The following MTMR7 variants were observed in gnomAD, a reference collection of about 807,000 sequenced individuals.
MTMR7 encodes myotubularin related protein 7.
In MTMR7, 76 loss-of-function variants were observed where a neutral mutation model predicts 81.2. That is an observed-to-expected ratio of 0.94 (90% confidence interval 0.78 to 1.13). MTMR7 has a LOEUF of 1.13. Among genes scored for constraint, MTMR7 ranks in the 50% most tolerant of loss-of-function variants. MTMR7 has a pLI of 0.00. For missense variants in MTMR7, 1,044 were observed against 820.0 expected (o/e 1.27, Z -3.34); for synonymous variants, 372 against 289.8 (o/e 1.28, Z -2.88).
chr8:17,369,144 C>A (rs990536160), intron 3 of MTMR7, among the ~76,000 whole-genome samples: 5 of 152,224 alleles, frequency 3.3e-5, no homozygotes, highest in African/African-American at 9.6e-5. Context: ...ATCAGTGACA[C>A]AGAAACTGTT....
chr8:17,342,036 C>T (rs185072751), intron 5 of MTMR7, among the ~76,000 whole-genome samples: 10 of 152,002 alleles, frequency 6.6e-5, no homozygotes, highest in African/African-American at 9.7e-5. Context: ...GGTTTGAAAC[C>T]GAAGGACAGC....
chr8:17,333,660 C>T (rs535973647), intron 6 of MTMR7, among the ~76,000 whole-genome samples: 7 of 152,060 alleles, frequency 4.6e-5, no homozygotes, highest in East Asian at 1.9e-4. Context: ...GATCAGCCTG[C>T]GCAACATGGC....
chr8:17,342,915 G>A (rs1297566154), intron 5 of MTMR7, among the ~76,000 whole-genome samples: 4 of 151,998 alleles, frequency 2.6e-5, no homozygotes, highest in Admixed American at 6.5e-5. Flanking sequence ...GCAAGGCCAG[G>A]AGCAAGGGGA....
intron 7 of MTMR7, among the ~76,000 whole-genome samples, chr8:17,314,765 G>T (rs1009328987): frequency 3.3e-5 from 5 of 152,160 alleles, no homozygotes; most frequent in Non-Finnish European, 7.4e-5. Context: ...CCTTCCAAAT[G>T]CCTGCCCTGA....
chr8:17,346,175 G>A (rs1819545098), intron 5 of MTMR7: 2 of 152,094 alleles, frequency 1.3e-5, no homozygotes, highest in South Asian at 4.1e-4. Flanking sequence ...CAAATCAGAA[G>A]CATTTATATA....
chr8:17,335,959 C>A (rs1277985189), intron 6 of MTMR7, among the ~76,000 whole-genome samples: 1 of 152,130 alleles, frequency 6.6e-6, no homozygotes, highest in Non-Finnish European at 1.5e-5. Context: ...TTATTGTAGG[C>A]CCTATCTGTG....
chr8:17,371,988 A>C (rs1017269379), intron 2 of MTMR7, among the ~76,000 whole-genome samples: 1 of 151,258 alleles, frequency 6.6e-6, no homozygotes, highest in African/African-American at 2.4e-5. Context: ...TGTCTTTTGG[A>C]AACTTTGTGC....
intron 4 of MTMR7, among the ~76,000 whole-genome samples, chr8:17,356,557 T>C (rs1819895596): frequency 6.6e-6 from 1 of 151,768 alleles, no homozygotes; most frequent in Non-Finnish European, 1.5e-5. Flanking sequence ...ATAATAATAA[T>C]ACAAACATTA....
chr8:17,340,014 C>T lies in MTMR7; in HGVS notation c.732+1349G>A, dbSNP rs185188752. ...TTGCCCAGGCTGGAGTGCAATGGCA[C>T]GATCTCGGCTCACCGCAACCTCCGC... On this transcript the variant is annotated intron_variant, in intron 6 of 13. Transcript: ENST00000180173. 6.3e-3 allele frequency among the ~76,000 whole-genome samples: 965 copies of T among 152,342 alleles called. 12 individuals carry two copies. Among genetic ancestry groups the T allele is most frequent in the African/African-American group, 0.02 (847 of 41,588 alleles).
At chr8:17,311,906 T>A (rs904330336) in intron 8 of MTMR7, 6 of 375,996 alleles carry the variant, frequency 1.6e-5, no homozygotes, top group African/African-American at 1.2e-4. Flanking sequence ...TAAGCATTCG[T>A]CCTATGCAAA....
At chr8:17,397,069 G>T (rs1365742253) in intron 1 of MTMR7, among the ~76,000 whole-genome samples, 3 of 152,008 alleles carry the variant, frequency 2.0e-5, no homozygotes, top group African/African-American at 7.3e-5. Flanking sequence ...AATGAGCAGT[G>T]ATACCCAGGT....
At chr8:17,310,479 GA>G (rs1022850915) in intron 9 of MTMR7, among the ~76,000 whole-genome samples, 4 of 152,152 alleles carry the variant, frequency 2.6e-5, no homozygotes, top group Non-Finnish European at 5.9e-5. Flanking sequence ...AGAACAAGTT[GA>G]TGATGGAAAC....
chr8:17,353,227 T>C (rs1819779964), intron 4 of MTMR7, among the ~76,000 whole-genome samples: 1 of 152,198 alleles, frequency 6.6e-6, no homozygotes, highest in Non-Finnish European at 1.5e-5. Context: ...ATATGAGGTA[T>C]CTAAAGTAGT....
chr8:17,348,929 AC>A (rs1240268407), intron 5 of MTMR7, 23 bp downstream of exon 5: 2 of 1,613,586 alleles, frequency 1.2e-6, no homozygotes, highest in Non-Finnish European at 1.7e-6. Flanking sequence ...AAAGTGTAAA[AC>A]AAAAACACGC....
chr8:17,349,117 T>C, intron 4 of MTMR7, 36 bp from the exon 5 acceptor site: 1 of 1,605,570 alleles, frequency 6.2e-7, no homozygotes, highest in Non-Finnish European at 8.5e-7. Flanking sequence ...TTTTAGGCCA[T>C]CTAGTAATGC....
rs1816947820 is a variant in MTMR7, at chr8:17,299,382, T to G, written c.*480A>C. The G allele has an allele frequency of 6.5e-6, 1 of 154,052 alleles. No individual in the cohort carries two copies. Among genetic ancestry groups the G allele is most frequent in the Non-Finnish European group, 1.4e-5 (1 of 69,294 alleles). 9.5% of individuals were successfully genotyped at this position (154,052 alleles called of 1,614,324 possible). On this transcript the variant is annotated 3_prime_UTR_variant, in exon 14 of 14. Transcript: ENST00000180173. ...ATCTATTAACTAAAAAGGGTGCATC[T>G]CACCAATGTGCCTGTTTTTAGAAAT...
intron 4 of MTMR7, among the ~76,000 whole-genome samples, chr8:17,357,771 G>C (rs1006642744): frequency 3.3e-5 from 5 of 152,142 alleles, no homozygotes; most frequent in African/African-American, 2.4e-5. Context: ...CAATTTGGAA[G>C]GAACATCTGG....
At chr8:17,318,638 T>G (rs1243127885) in intron 7 of MTMR7, among the ~76,000 whole-genome samples, 2 of 152,186 alleles carry the variant, frequency 1.3e-5, no homozygotes, top group African/African-American at 4.8e-5. Context: ...CAGCCAGGTT[T>G]CCTGAGATTC....
chr8:17,402,036 T>C (rs887801842), intron 1 of MTMR7, among the ~76,000 whole-genome samples: 3 of 152,200 alleles, frequency 2.0e-5, no homozygotes, highest in Non-Finnish European at 4.4e-5. Context: ...AGTAGTCTGA[T>C]ATAAACAAGA....
Sources: gnomAD v4.1 joint callset for allele counts (sites outside exome capture counted in the v4.1 genomes callset) on GRCh38, gnomAD v4.1.1 for gene constraint, MANE v1.5 for transcripts, NCBI Gene and HGNC (gene_info 2026-07-23, HGNC 2026-07-21) for gene names.